Variants in NFE2L1 observed in about 807,000 individuals in gnomAD.
The protein encoded by NFE2L1 is NFE2 like bZIP transcription factor 1.
NFE2L1 carries 18 observed loss-of-function variants against 61.6 expected under a neutral mutation model. The ratio of observed to expected loss-of-function variants is 0.29; its 90% CI spans 0.20 to 0.43. NFE2L1 has a LOEUF of 0.43. NFE2L1 is among the 20% of genes least tolerant of loss of function. The pLI, the probability that NFE2L1 is intolerant of heterozygous loss-of-function variation, is 1.00. For missense variants in NFE2L1, 827 were observed against 973.5 expected (o/e 0.85, Z 2.00); for synonymous variants, 419 against 402.7 (o/e 1.04, Z -0.48).
In NFE2L1 at chr17:48,058,428, G is replaced by A; in HGVS notation, c.1106G>A (p.Gly369Glu). 1 of 1,614,208 alleles carries A rather than the reference G, an allele frequency of 6.2e-7. No homozygotes were observed. The highest frequency in any genetic ancestry group is 8.5e-7 in the Non-Finnish European group (1 of 1,180,038). Residue 369 changes from glycine to glutamate, a missense_variant, in exon 6 of 6, where the codon GGG becomes GAG. By Grantham distance (98) the Gly-to-Glu change is moderately conservative. Coordinates refer to ENST00000362042, the MANE Select transcript of NFE2L1 (RefSeq NM_003204.3). ...GTCAGCCTGCATCAGGCGTCCCTGG[G>A]GGGCTGCAGCCAGGACTTCTTACTC... ...QNVSLHQASL[G>E]GCSQDFLLFS...
At chr17:48,055,025 C>G (rs1311678270) in intron 2 of NFE2L1, 2 of 1,516,572 alleles carry the variant, frequency 1.3e-6, no homozygotes, top group African/African-American at 1.4e-5. Context: ...GACCATGACC[C>G]GCCTGGACCG....
At chr17:48,054,788 C>T (rs1013334610) in intron 2 of NFE2L1, 66 of 1,308,348 alleles carry the variant, frequency 5.0e-5, no homozygotes, top group Non-Finnish European at 5.9e-5. Flanking sequence ...GGCAGCTGGG[C>T]GCCTGAGTGG....
At chr17:48,057,186 C>T (rs939137280) in intron 4 of NFE2L1, 65 bp downstream of exon 4, 18 of 1,590,326 alleles carry the variant, frequency 1.1e-5, no homozygotes, top group Non-Finnish European at 1.5e-5. Flanking sequence ...TGTGTCCCTC[C>T]ATGGCTGAGG....
chr17:48,050,977 C>T lies in NFE2L1; in HGVS notation c.-142C>T. ...CCTCTGGGGCCGTCAGGGAGCTCAT[C>T]CCTTGTGTTCTGCCAGGGTGGGGTA... On this transcript the variant is annotated 5_prime_UTR_variant, in exon 2 of 6. Coordinates refer to ENST00000362042, the MANE Select transcript of NFE2L1 (RefSeq NM_003204.3). The T allele has an allele frequency of 4.1e-6, 4 of 985,974 alleles. No homozygotes were observed. The highest frequency in any genetic ancestry group is 1.5e-5 in the South Asian group (1 of 66,142). 61.1% of individuals were successfully genotyped at this position (985,974 alleles called of 1,614,324 possible). A position where few individuals can be genotyped will look rare whatever the true frequency, so the allele number is the denominator to read the frequency against.
Position 48,058,506 on chromosome 17 carries a change from C to T in NFE2L1, c.1184C>T (p.Pro395Leu), listed in dbSNP as rs781263957. ...GTGGCCAGTAGCTCCACGCTGCTCC[C>T]GTTGGCCCCCAGCAATTCTACCAGC... The part of the protein sequence containing the change: ...LPVASSSTLL[P>L]LAPSNSTSLN... Residue 395 changes from proline to leucine, a missense_variant, in exon 6 of 6, where the codon CCG becomes CTG. By Grantham distance (98) the Pro-to-Leu change is moderately conservative (BLOSUM62 -3). Around this residue, in one of 3 missense-constraint regions of NFE2L1, gnomAD observed 667 missense variants for 748.4 expected, o/e 0.89. Transcript: ENST00000362042. 7.4e-6 allele frequency: 12 copies of T among 1,612,996 alleles called. No homozygotes were observed. The highest frequency in any genetic ancestry group is 9.3e-6 in the Non-Finnish European group (11 of 1,179,396).
At chr17:48,050,144 G>GT (rs891013159) in intron 1 of NFE2L1, among the ~76,000 whole-genome samples, 4 of 151,968 alleles carry the variant, frequency 2.6e-5, no homozygotes, top group Non-Finnish European at 5.9e-5. Context: ...TATATTTTGG[G>GT]TTTTTTTTCT....
At chr17:48,051,747 GGCACTGT>G in intron 2 of NFE2L1, 119 bp downstream of exon 2, 1 of 1,289,508 alleles carries the variant, frequency 7.8e-7, no homozygotes. Context: ...CAGGGCCTCA[GGCACTGT>G]TCTTGGGTAG....
chr17:48,058,622 C>G lies in NFE2L1; in HGVS notation c.1300C>G (p.Leu434Val). 2 of 1,614,128 alleles carry G rather than the reference C, an allele frequency of 1.2e-6. No individual in the cohort carries two copies. Among genetic ancestry groups the G allele is most frequent in the Non-Finnish European group, 1.7e-6 (2 of 1,179,980 alleles). Residue 434 changes from leucine to valine, a missense_variant, in exon 6 of 6, where the codon CTG (leucine) becomes GTG (valine). Around this residue, in one of 3 missense-constraint regions of NFE2L1, gnomAD observed 667 missense variants for 748.4 expected, o/e 0.89. Transcript: ENST00000362042. ...AGCCAATGACACAGCAGGCCCAGAG[C>G]TGCCTGACCCTTTGGGGGGTCTGTT... Reference protein sequence around the residue: ...GTANDTAGPELPDPLGGLLDE... With the variant: ...GTANDTAGPEVPDPLGGLLDE...
intron 2 of NFE2L1, among the ~76,000 whole-genome samples, chr17:48,052,063 G>A (rs1316549703): frequency 6.6e-6 from 1 of 152,120 alleles, no homozygotes; most frequent in Non-Finnish European, 1.5e-5. Flanking sequence ...CCTTTGTGGC[G>A]AGGCCTGTTG....
rs1189204713 is a variant in NFE2L1 at position 48,056,581 on chromosome 17, G to A, written c.706G>A (p.Glu236Lys). The A allele has an allele frequency of 6.2e-7, 1 of 1,613,150 alleles. No homozygotes were observed. The highest frequency in any genetic ancestry group is 8.5e-7 in the Non-Finnish European group (1 of 1,179,858). ...RNLLVDGETG[E>K]SFPAQVPSGE... ...CCTGCTAGTGGATGGAGAGACTGGG[G>A]AGAGCTTCCCTGCACAGGTACCATC... The change falls in exon 3 of 6, where the codon GAG (glutamate) becomes AAG (lysine). Residue 236 changes from glutamate to lysine, a missense_variant. This residue lies in a region of NFE2L1 where 667 missense variants were observed against 748.4 expected (regional missense o/e 0.89). Transcript: ENST00000362042.
chr17:48,056,922 G>T (rs1000253068), intron 3 of NFE2L1, 110 bp from the exon 4 acceptor site: 3 of 1,116,616 alleles, frequency 2.7e-6, no homozygotes, highest in African/African-American at 3.1e-5. Flanking sequence ...CCAGCCATTA[G>T]CCTGGGAATG....
At chr17:48,056,307 C>T in intron 2 of NFE2L1, 79 bp from the exon 3 acceptor site, 1 of 1,553,478 alleles carries the variant, frequency 6.4e-7, no homozygotes, top group South Asian at 1.1e-5. Context: ...TGGGGTGACA[C>T]TAGGAGGGAA....
At position 48,060,981 on chromosome 17, in the gene NFE2L1, C is replaced by CT. The variant is rs1254555461; in HGVS notation, c.*1340_*1341insT. 3.3e-5 allele frequency: 5 copies of CT among 152,590 alleles called. No homozygotes were observed. Among genetic ancestry groups the CT allele is most frequent in the African/African-American group, 1.2e-4 (5 of 41,444 alleles). 9.5% of individuals were successfully genotyped at this position (152,590 alleles called of 1,614,324 possible). On this transcript the variant is annotated 3_prime_UTR_variant, in exon 6 of 6. Transcript: ENST00000362042. ...ACACTTGGGATTTTTCTCCTCTGTC[C>CT]CGAGGTCGTCGTCTGCTTTCTTTTT... is the stretch of plus-strand genomic sequence containing the variant.
chr17:48,056,176 C>CTTTTTTT, intron 2 of NFE2L1: 1 of 620,402 alleles, frequency 1.6e-6, no homozygotes, highest in Non-Finnish European at 2.9e-6. Context: ...GCTAGTGGCT[C>CTTTTTTT]TTTTTTTTTG....
chr17:48,050,619 A>T lies in NFE2L1; in HGVS notation c.-500A>T, dbSNP rs892130826. 4.9e-6 allele frequency: 2 copies of T among 407,752 alleles called. No individual in the cohort carries two copies. The highest frequency in any genetic ancestry group is 4.1e-5 in the African/African-American group (2 of 48,518). The allele number at this position is 407,752 out of a possible 1,614,324, so 25.3% of individuals were successfully genotyped here. Reference sequence around the variant, plus strand: ...ATTCCCATTTCAGGTTTCTCTGGAAACCCCCCTGGTAAGTGTGGAGGAGGC... The same window carrying T: ...ATTCCCATTTCAGGTTTCTCTGGAATCCCCCCTGGTAAGTGTGGAGGAGGC... On this transcript the variant is annotated 5_prime_UTR_variant, in exon 2 of 6. Transcript: ENST00000362042.
chr17:48,059,397 A>G lies in NFE2L1; in HGVS notation c.2075A>G (p.Asp692Gly). The change falls in exon 6 of 6, where the codon GAC becomes GGC. Residue 692 changes from aspartate to glycine, a missense_variant. Physicochemically the swap from Asp to Gly is moderately conservative, Grantham distance 94. This residue lies in a region of NFE2L1 where 74 missense variants were observed against 127.8 expected (regional missense o/e 0.58). Coordinates refer to ENST00000362042, the MANE Select transcript of NFE2L1 (RefSeq NM_003204.3). The surrounding 1 kb of genome is among the most constrained non-coding windows in gnomAD (Gnocchi z 6.1). ...LERDVEDLQR[D>G]KARLLREKVE... ...CGTGATGTGGAGGACCTGCAGCGTG[A>G]CAAAGCCCGGCTGCTGCGGGAGAAA... is the stretch of plus-strand genomic sequence containing the variant. 1 of 1,614,208 alleles carries G rather than the reference A, an allele frequency of 6.2e-7. No individual in the cohort carries two copies. Among genetic ancestry groups the G allele is most frequent in the Non-Finnish European group, 8.5e-7 (1 of 1,180,036 alleles).
intron 5 of NFE2L1, 108 bp from the exon 6 acceptor site, chr17:48,058,187 T>C: frequency 6.9e-7 from 1 of 1,450,860 alleles, no homozygotes; most frequent in African/African-American, 1.4e-5. Flanking sequence ...TTATAGTATT[T>C]TGCCTTTACA....
rs1450853135 is a variant in NFE2L1 at position 48,050,755 on chromosome 17, T to A, written c.-364T>A. Reference sequence around the variant, plus strand: ...CAGCTGTTCCTGAGAACAGCCTGCATTGGAATCTACAGAGAGGACAACTAA... The same window carrying A: ...CAGCTGTTCCTGAGAACAGCCTGCAATGGAATCTACAGAGAGGACAACTAA... On this transcript the variant is annotated 5_prime_UTR_variant, in exon 2 of 6. The change creates a new upstream start codon in the 5' untranslated region. Coordinates refer to ENST00000362042, the MANE Select transcript of NFE2L1 (RefSeq NM_003204.3). The A allele has an allele frequency of 2.1e-6, 1 of 484,810 alleles. No homozygotes were observed. The highest frequency in any genetic ancestry group is 1.9e-5 in the African/African-American group (1 of 51,688). The allele number at this position is 484,810 out of a possible 1,614,324, so 30.0% of individuals were successfully genotyped here. A position where few individuals can be genotyped will look rare whatever the true frequency, so the allele number is the denominator to read the frequency against.
At chr17:48,049,858 T>C (rs1400493855) in intron 1 of NFE2L1, among the ~76,000 whole-genome samples, 1 of 152,164 alleles carries the variant, frequency 6.6e-6, no homozygotes, top group Non-Finnish European at 1.5e-5. Context: ...AAAAGACAAC[T>C]GTTATGGGTG....
Sources: allele counts gnomAD v4.1 joint callset (sites outside exome capture counted in the v4.1 genomes callset), GRCh38; gene constraint gnomAD v4.1.1; regional missense constraint gnomAD v4.1.1; non-coding constraint Gnocchi (gnomAD v3.1); transcripts MANE v1.5; gene names NCBI Gene and HGNC (gene_info 2026-07-23, HGNC 2026-07-21).